The following PTPRT variants were observed in gnomAD, a reference collection of about 807,000 sequenced individuals.
PTPRT encodes protein tyrosine phosphatase receptor type T.
Under a neutral mutation model 176.8 loss-of-function variants are expected in PTPRT, and 56 were observed. The ratio of observed to expected loss-of-function variants is 0.32; its 90% confidence interval spans 0.26 to 0.40. The LOEUF (loss-of-function observed/expected upper bound fraction) is 0.40. Among genes scored for constraint, PTPRT ranks in the 10% least tolerant of loss-of-function variants. PTPRT has a pLI of 1.00. For missense variants in PTPRT, 1,540 were observed against 1,908.2 expected (o/e 0.81, Z 3.60); for synonymous variants, 783 against 739.0 (o/e 1.06, Z -0.96).
At chr20:42,326,041 G>A (rs1378960551) in intron 11 of PTPRT, among the ~76,000 whole-genome samples, 1 of 152,132 alleles carries the variant, frequency 6.6e-6, no homozygotes, top group South Asian at 2.1e-4. Flanking sequence ...AATAGCAACC[G>A]AAATCCACAA....
At chr20:42,736,429 T>C (rs2076540973) in intron 6 of PTPRT, among the ~76,000 whole-genome samples, 1 of 152,228 alleles carries the variant, frequency 6.6e-6, no homozygotes, top group South Asian at 2.1e-4. Context: ...ATCCAAGCCC[T>C]GCAGTTGCTT....
intron 18 of PTPRT, among the ~76,000 whole-genome samples, chr20:42,132,963 AC>A (rs1988190220): frequency 6.6e-6 from 1 of 152,210 alleles, no homozygotes; most frequent in Non-Finnish European, 1.5e-5. Flanking sequence ...TGTGGTGCAG[AC>A]GGTCCCTCAC....
intron 27 of PTPRT, among the ~76,000 whole-genome samples, chr20:42,096,757 T>A (rs3091435): frequency 0.3 from 11,812 of 39,296 alleles, 662 homozygotes; most frequent in African/African-American, 0.45. Context: ...CTAATTAAAA[T>A]TTTTTTTTTT....
At chr20:42,450,068 G>T (rs2070801225) in intron 8 of PTPRT, among the ~76,000 whole-genome samples, 1 of 152,022 alleles carries the variant, frequency 6.6e-6, no homozygotes, top group Non-Finnish European at 1.5e-5. Flanking sequence ...ATTTCTCTGG[G>T]GCCATGCATT....
chr20:42,354,404 G>A (rs182589618), intron 9 of PTPRT, among the ~76,000 whole-genome samples: 3 of 152,162 alleles, frequency 2.0e-5, no homozygotes, highest in Admixed American at 2.0e-4. Context: ...GCATTCCCAG[G>A]TACATTCAAC....
rs556543750 is a variant in PTPRT at position 42,885,880 on chromosome 20, T to C, written c.141A>G (p.Leu47=). 6.4e-4 allele frequency: 1,028 copies of C among 1,610,990 alleles called. 13 individuals are homozygous for C. The South Asian group carries it at 0.011, about 17-fold the overall frequency. ...GCTCCCAGGTGAACCCATTGGTCCC[T>C]AGAGCCACACTATAACCACAGTTGC... is the stretch of plus-strand genomic sequence containing the variant. The part of the protein sequence containing the change: ...HYSNCGYSVA[L]GTNGFTWEQI... The change falls in exon 2 of 31, where the codon CTA becomes CTG. Residue 47 remains leucine, a synonymous_variant. Coordinates refer to ENST00000373187, the MANE Select transcript of PTPRT (RefSeq NM_007050.6).
At chr20:42,594,838 G>A (rs1444006086) in intron 7 of PTPRT, among the ~76,000 whole-genome samples, 1 of 152,174 alleles carries the variant, frequency 6.6e-6, no homozygotes, top group Non-Finnish European at 1.5e-5. Context: ...CTCAAACTGG[G>A]AGAAATGAGT....
intron 1 of PTPRT, among the ~76,000 whole-genome samples, chr20:43,099,053 G>T (rs1196030920): frequency 6.6e-6 from 1 of 151,880 alleles, no homozygotes; most frequent in African/African-American, 2.4e-5. Context: ...CCCTCTTTGT[G>T]CCATGTCTAC....
At chr20:42,431,406 C>T (rs1156623942) in intron 9 of PTPRT, among the ~76,000 whole-genome samples, 1 of 151,996 alleles carries the variant, frequency 6.6e-6, no homozygotes, top group African/African-American at 2.4e-5. Context: ...ACGGTATATA[C>T]ACTAATGGAC....
intron 25 of PTPRT, among the ~76,000 whole-genome samples, chr20:42,103,986 C>A (rs144720930): frequency 1.3e-5 from 2 of 152,180 alleles, no homozygotes; most frequent in Non-Finnish European, 2.9e-5. Flanking sequence ...CCAAAGAAAA[C>A]CCCACAAATG....
intron 15 of PTPRT, among the ~76,000 whole-genome samples, chr20:42,230,404 T>A (rs1027808244): frequency 6.6e-6 from 1 of 152,222 alleles, no homozygotes; most frequent in Non-Finnish European, 1.5e-5. Context: ...AAACAATTAC[T>A]GTGCCTATCA....
chr20:42,296,587 T>G (rs913719457), intron 12 of PTPRT, among the ~76,000 whole-genome samples: 1 of 152,090 alleles, frequency 6.6e-6, no homozygotes, highest in African/African-American at 2.4e-5. Flanking sequence ...AAAATTAATA[T>G]AGTAAATTAT....
chr20:42,244,888 ATTAAG>A (rs776465805), intron 14 of PTPRT, among the ~76,000 whole-genome samples: 2 of 152,224 alleles, frequency 1.3e-5, no homozygotes, highest in Non-Finnish European at 2.9e-5. Flanking sequence ...GCCCCATGGT[ATTAAG>A]TTAAGAAAAC....
chr20:42,526,955 TC>T (rs373581866), intron 7 of PTPRT, among the ~76,000 whole-genome samples: 130 of 145,604 alleles, frequency 8.9e-4, no homozygotes, highest in African/African-American at 3.2e-3. Flanking sequence ...GGTTCTTTTT[TC>T]TTTTTTTTTT....
chr20:42,208,032 C>T (rs1391906954), intron 15 of PTPRT, among the ~76,000 whole-genome samples: 1 of 118,488 alleles, frequency 8.4e-6, no homozygotes, highest in African/African-American at 3.5e-5. Context: ...ATTTCATATC[C>T]AGCCAAACTC....
chr20:42,816,580 G>C (rs6016897), intron 2 of PTPRT, among the ~76,000 whole-genome samples: 1 of 152,148 alleles, frequency 6.6e-6, no homozygotes, highest in African/African-American at 2.4e-5. Context: ...CCCCCATGCT[G>C]TTCTCATGAT....
chr20:43,159,635 T>G (rs1427147986), intron 1 of PTPRT, among the ~76,000 whole-genome samples: 1 of 152,102 alleles, frequency 6.6e-6, no homozygotes, highest in Non-Finnish European at 1.5e-5. Context: ...ACACAGAAAA[T>G]GCCTTTCAGA....
intron 15 of PTPRT, among the ~76,000 whole-genome samples, chr20:42,233,491 C>A (rs1360881787): frequency 6.6e-6 from 1 of 152,052 alleles, no homozygotes; most frequent in Admixed American, 6.6e-5. Context: ...ATTCGGAGGA[C>A]TTAGTGGGCT....
chr20:43,039,586 C>A, intron 1 of PTPRT, among the ~76,000 whole-genome samples: 1 of 151,084 alleles, frequency 6.6e-6, no homozygotes, highest in South Asian at 2.1e-4. Flanking sequence ...AATTTCATCA[C>A]ATAAAAATTT....
Sources: allele counts gnomAD v4.1 joint callset (sites outside exome capture counted in the v4.1 genomes callset), GRCh38; gene constraint gnomAD v4.1.1; transcripts MANE v1.5; gene names NCBI Gene and HGNC (gene_info 2026-07-23, HGNC 2026-07-21).